Variants in SLC35D1 observed in about 807,000 individuals in gnomAD.
The protein encoded by SLC35D1 is solute carrier family 35 member D1.
A neutral mutation model predicts 46.7 loss-of-function variants in SLC35D1; 31 were observed. That is an observed-to-expected ratio of 0.66 (90% CI 0.50 to 0.90). The LOEUF (loss-of-function observed/expected upper bound fraction) is 0.90, where lower values mean the gene tolerates loss of function less well. Ranked by LOEUF, SLC35D1 falls within the 40% of genes least tolerant of loss-of-function variation. The pLI, the probability that SLC35D1 is intolerant of heterozygous loss-of-function variation, is 0.00. For missense variants in SLC35D1, 397 were observed against 426.2 expected (o/e 0.93, Z 0.60); for synonymous variants, 195 against 164.6 (o/e 1.18, Z -1.41).
At chr1:67,019,267 T>C (rs763755838) in intron 10 of SLC35D1, among the ~76,000 whole-genome samples, 2 of 152,210 alleles carry the variant, frequency 1.3e-5, no homozygotes, top group Non-Finnish European at 2.9e-5. Context: ...CCATCCACTT[T>C]GCCCTTGAGG....
chr1:67,005,314 T>G (rs1212453584), intron 11 of SLC35D1, among the ~76,000 whole-genome samples: 2 of 152,164 alleles, frequency 1.3e-5, no homozygotes, highest in African/African-American at 2.4e-5. Flanking sequence ...CTCATGAACT[T>G]GCTGCTTATT....
the SLC35D1 span, chr1:66,988,478 A>G: frequency 2.6e-5 from 4 of 152,238 alleles, no homozygotes; most frequent in African/African-American, 9.7e-5. Flanking sequence ...CTTGTCATGT[A>G]CCCTTAGTAT....
chr1:66,983,643 T>C, the SLC35D1 span, among the ~76,000 whole-genome samples: 43 of 152,244 alleles, frequency 2.8e-4, no homozygotes, highest in Non-Finnish European at 2.6e-4. Context: ...TTTAGCACTT[T>C]CAAGTATATG....
chr1:67,007,513 T>C (rs928062330), intron 11 of SLC35D1, among the ~76,000 whole-genome samples: 4 of 152,160 alleles, frequency 2.6e-5, no homozygotes, highest in African/African-American at 9.7e-5. Flanking sequence ...GGGCACACTA[T>C]TGCCACATGG....
chr1:66,978,212 A>AG, the SLC35D1 span, among the ~76,000 whole-genome samples: 1 of 151,750 alleles, frequency 6.6e-6, no homozygotes, highest in East Asian at 1.9e-4. Context: ...AAAAAAAAAA[A>AG]GATGTGCTTG....
chr1:67,033,287 TTTTGAGG>T (rs1668055438), intron 8 of SLC35D1, among the ~76,000 whole-genome samples: 1 of 152,238 alleles, frequency 6.6e-6, no homozygotes, highest in African/African-American at 2.4e-5. Flanking sequence ...ATTTTTAGTT[TTTTGAGG>T]AACCTCCAAA....
At chr1:67,049,613 C>T (rs963199731) in intron 6 of SLC35D1, among the ~76,000 whole-genome samples, 169 bp downstream of exon 6, 1 of 152,104 alleles carries the variant, frequency 6.6e-6, no homozygotes, top group South Asian at 2.1e-4. Flanking sequence ...TTTTGTCAAC[C>T]TTTATCTTAA....
downstream of SLC35D1, among the ~76,000 whole-genome samples, chr1:66,998,965 A>C (rs140485378): frequency 5.1e-4 from 77 of 152,286 alleles, no homozygotes; most frequent in African/African-American, 1.8e-3. Flanking sequence ...AAAATGTCTA[A>C]GATGGTATAT....
At chr1:66,990,441 T>A in the SLC35D1 span, among the ~76,000 whole-genome samples, 1 of 152,076 alleles carries the variant, frequency 6.6e-6, no homozygotes, top group Non-Finnish European at 1.5e-5. Flanking sequence ...CCCTAATTTT[T>A]ATTTTTTTGT....
At chr1:66,985,231 T>C in the SLC35D1 span, 7 of 967,998 alleles carry the variant, frequency 7.2e-6, no homozygotes, top group African/African-American at 1.7e-5. Context: ...TACCTTCTCA[T>C]TTGATGTATT....
At chr1:66,976,491 T>G in the SLC35D1 span, 1 of 1,032,512 alleles carries the variant, frequency 9.7e-7, no homozygotes, top group Non-Finnish European at 1.4e-6. Context: ...AGGATTATAT[T>G]TCAGTTAAGG....
At chr1:66,984,458 CTA>C in the SLC35D1 span, 75 of 734,430 alleles carry the variant, frequency 1.0e-4, no homozygotes, top group African/African-American at 1.2e-3. Context: ...AGAATTTAGA[CTA>C]TGTATTTGAT....
chr1:66,976,005 T>A, the SLC35D1 span, among the ~76,000 whole-genome samples: 2 of 152,056 alleles, frequency 1.3e-5, no homozygotes, highest in Non-Finnish European at 2.9e-5. Context: ...TGTGTGTGTG[T>A]GAGACTGAGT....
At chr1:67,020,024 C>T (rs571689908) in intron 10 of SLC35D1, among the ~76,000 whole-genome samples, 65 of 152,166 alleles carry the variant, frequency 4.3e-4, no homozygotes, top group Non-Finnish European at 7.6e-4. Context: ...CTCAGTGAGG[C>T]AGAGAACACA....
intron 1 of SLC35D1, 23 bp downstream of exon 1, chr1:67,053,788 G>A (rs1276613573): frequency 1.3e-6 from 2 of 1,551,068 alleles, no homozygotes; most frequent in Non-Finnish European, 1.7e-6. Context: ...CCGCGGCCTG[G>A]GCCGCCGCCG....
In SLC35D1 at chr1:67,049,864, A is replaced by G. The variant is rs767874120; in HGVS notation, c.465-14T>C. 1 of 1,590,006 alleles carries G rather than the reference A, an allele frequency of 6.3e-7. No individual in the cohort carries two copies. The highest frequency in any genetic ancestry group is 8.6e-7 in the Non-Finnish European group (1 of 1,159,270). On this transcript the variant is annotated splice_polypyrimidine_tract_variant and intron_variant, in intron 5 of 11. Coordinates refer to ENST00000235345, the MANE Select transcript of SLC35D1 (RefSeq NM_015139.3). ...GAAAAAGTCTTCCTACAAAACAAAAAATTTTAAAATACACACATGACTTTA... is the reference window on the plus strand; with the variant it reads ...GAAAAAGTCTTCCTACAAAACAAAAGATTTTAAAATACACACATGACTTTA...
At chr1:67,005,185 G>A (rs1201636726) in intron 11 of SLC35D1, among the ~76,000 whole-genome samples, 1 of 152,144 alleles carries the variant, frequency 6.6e-6, no homozygotes, top group African/African-American at 2.4e-5. Context: ...TGTCCTCCCT[G>A]GCTCTTCCAC....
intron 7 of SLC35D1, among the ~76,000 whole-genome samples, chr1:67,043,952 G>T (rs972706388): frequency 6.6e-6 from 1 of 152,176 alleles, no homozygotes; most frequent in East Asian, 1.9e-4. Context: ...TAACTCCTGC[G>T]ATTGAAAGAT....
intron 5 of SLC35D1, 74 bp from the exon 6 acceptor site, chr1:67,049,924 G>A (rs1645290284): frequency 1.0e-6 from 1 of 994,906 alleles, no homozygotes; most frequent in South Asian, 1.4e-5. Context: ...AGCAAAAAAT[G>A]GGATATGCTT....
Sources: gnomAD v4.1 joint callset for allele counts (sites outside exome capture counted in the v4.1 genomes callset) on GRCh38, gnomAD v4.1.1 for gene constraint, MANE v1.5 for transcripts, NCBI Gene and HGNC (gene_info 2026-07-23, HGNC 2026-07-21) for gene names.